The following TNIK variants were observed in gnomAD, a reference collection of about 807,000 sequenced individuals.
The protein encoded by TNIK is TRAF2 and NCK interacting kinase, also known as TRAF2 and NCK-interacting protein kinase.
In TNIK, 49 loss-of-function variants were observed where a neutral mutation model predicts 191.3. That is an observed-to-expected ratio of 0.26 (90% CI 0.20 to 0.32). The LOEUF is 0.32. Among genes scored for constraint, TNIK ranks in the 10% least tolerant of loss-of-function variants. The pLI is 1.00. For synonymous variants in TNIK, 594 were observed against 600.9 expected (o/e 0.99, Z 0.17); for missense variants, 1,155 against 1,702.3 (o/e 0.68, Z 5.66).
intron 2 of TNIK, among the ~76,000 whole-genome samples, chr3:171,305,359 C>T (rs1033181280): frequency 1.1e-4 from 17 of 151,930 alleles, no homozygotes; most frequent in Non-Finnish European, 2.4e-4. Context: ...CAAAACTTGA[C>T]AAATGGGACC....
intron 2 of TNIK, among the ~76,000 whole-genome samples, chr3:171,265,232 G>T (rs1001161304): frequency 6.6e-6 from 1 of 152,168 alleles, no homozygotes; most frequent in Non-Finnish European, 1.5e-5. Flanking sequence ...AAGAAAATTG[G>T]CACAGCTGCT....
At chr3:171,436,592 G>A (rs552384612) in intron 1 of TNIK, among the ~76,000 whole-genome samples, 2 of 152,250 alleles carry the variant, frequency 1.3e-5, no homozygotes, top group East Asian at 1.9e-4. Flanking sequence ...TGATGTAATC[G>A]TAAGTCATTT....
intron 2 of TNIK, among the ~76,000 whole-genome samples, chr3:171,350,458 G>C (rs1342724602): frequency 6.6e-6 from 1 of 152,086 alleles, no homozygotes; most frequent in Non-Finnish European, 1.5e-5. Flanking sequence ...GACTACATCT[G>C]ATAATGCCAC....
intron 1 of TNIK, among the ~76,000 whole-genome samples, chr3:171,433,924 T>C (rs541046416): frequency 6.7e-6 from 1 of 149,636 alleles, no homozygotes; most frequent in Non-Finnish European, 1.5e-5. Context: ...ATATCTGTTT[T>C]CTTTTCTTTT....
At chr3:171,317,541 T>C (rs886208457) in intron 2 of TNIK, among the ~76,000 whole-genome samples, 2 of 152,156 alleles carry the variant, frequency 1.3e-5, no homozygotes, top group Non-Finnish European at 2.9e-5. Flanking sequence ...ATTCATTATA[T>C]AGAACTGTTA....
intron 2 of TNIK, among the ~76,000 whole-genome samples, chr3:171,273,603 G>A (rs1214315459): frequency 6.6e-6 from 1 of 152,122 alleles, no homozygotes; most frequent in Admixed American, 6.5e-5. Context: ...TGTTTCTGTG[G>A]AGAGATGATC....
chr3:171,252,354 G>A (rs1052625883), intron 2 of TNIK, among the ~76,000 whole-genome samples: 9 of 152,114 alleles, frequency 5.9e-5, no homozygotes, highest in African/African-American at 1.9e-4. Context: ...ATGGGCAGCC[G>A]ATGAAAATTA....
At chr3:171,268,756 G>T (rs991741225) in intron 2 of TNIK, among the ~76,000 whole-genome samples, 5 of 152,132 alleles carry the variant, frequency 3.3e-5, no homozygotes, top group Non-Finnish European at 7.3e-5. Flanking sequence ...GCAAGGGAAG[G>T]CATTGGACAG....
At position 171,084,173 on chromosome 3, in the gene TNIK, G is replaced by A; in HGVS notation, c.3151C>T (p.Leu1051Phe). 6.2e-7 allele frequency: 1 copy of A among 1,607,028 alleles called. No homozygotes were observed. Among genetic ancestry groups the A allele is most frequent in the Non-Finnish European group, 8.5e-7 (1 of 1,177,058 alleles). ...AACATACCCCACAGAGCTGCACAAA[G>A]TATTTCTGAGTTGAATCGTTTCTTG... The part of the protein sequence containing the change: ...KYKKRFNSEI[L>F]CAALWGVNLL... Residue 1051 changes from leucine to phenylalanine, a missense_variant, in exon 26 of 33, where the codon CTT (leucine) becomes TTT (phenylalanine). By Grantham distance (22) the Leu-to-Phe change is conservative. Around this residue, in one of 3 missense-constraint regions of TNIK, gnomAD observed 195 missense variants for 415.4 expected, o/e 0.47. Transcript: ENST00000436636.
intron 2 of TNIK, among the ~76,000 whole-genome samples, chr3:171,305,394 T>G (rs1049595839): frequency 1.3e-5 from 2 of 152,076 alleles, no homozygotes; most frequent in African/African-American, 4.8e-5. Context: ...AGCTTCTGCA[T>G]AGCAAAAGAA....
chr3:171,458,611 A>C (rs1729045712), intron 1 of TNIK, among the ~76,000 whole-genome samples: 1 of 152,208 alleles, frequency 6.6e-6, no homozygotes, highest in Non-Finnish European at 1.5e-5. Context: ...TTTGATCACA[A>C]AGGTAGCACT....
rs1238441365 is a variant in TNIK at position 171,112,112 on chromosome 3, A to G, written c.2121-1235T>C. On this transcript the variant is annotated intron_variant, in intron 18 of 32. Coordinates refer to ENST00000436636, the MANE Select transcript of TNIK (RefSeq NM_015028.4). ...TGTGAGGTGATGGATATATTGATTA[A>G]CTTGATTTTAGTAATCATTTCACAG... Among the ~76,000 whole-genome samples the G allele has an allele frequency of 2.6e-5, 4 of 152,238 alleles. No individual in the cohort carries two copies. The East Asian group carries it at 7.7e-4, about 29-fold the overall frequency.
intron 12 of TNIK, among the ~76,000 whole-genome samples, chr3:171,148,426 C>T (rs897879677): frequency 1.3e-5 from 2 of 152,174 alleles, no homozygotes; most frequent in African/African-American, 4.8e-5. Context: ...CACGGGATTT[C>T]CCAGGTGTCA....
At chr3:171,387,576 C>G (rs1289436234) in intron 1 of TNIK, among the ~76,000 whole-genome samples, 1 of 152,098 alleles carries the variant, frequency 6.6e-6, no homozygotes, top group Non-Finnish European at 1.5e-5. Flanking sequence ...AGATAAGAAA[C>G]TTAAGGAGTA....
chr3:171,282,541 G>T (rs901380909), intron 2 of TNIK, among the ~76,000 whole-genome samples: 3 of 151,786 alleles, frequency 2.0e-5, no homozygotes, highest in Admixed American at 1.3e-4. Context: ...ACGGGGTTTC[G>T]CCATGTTGGC....
chr3:171,192,868 T>C (rs1207629030), intron 5 of TNIK, among the ~76,000 whole-genome samples: 3 of 152,260 alleles, frequency 2.0e-5, no homozygotes, highest in Non-Finnish European at 4.4e-5. Flanking sequence ...TTTTGTGTTA[T>C]GTTCTGTTTA....
At chr3:171,444,981 C>T (rs1727301999) in intron 1 of TNIK, among the ~76,000 whole-genome samples, 2 of 152,176 alleles carry the variant, frequency 1.3e-5, no homozygotes, top group Middle Eastern at 3.4e-3. Flanking sequence ...TCCCAAAGTG[C>T]TGGGATTACA....
chr3:171,335,198 T>C (rs1756838380), intron 2 of TNIK, among the ~76,000 whole-genome samples: 2 of 152,074 alleles, frequency 1.3e-5, no homozygotes, highest in South Asian at 4.1e-4. Context: ...CCTGGTAGAC[T>C]GTTTGCGTGC....
intron 2 of TNIK, among the ~76,000 whole-genome samples, chr3:171,306,125 T>C (rs764898154): frequency 2.0e-5 from 3 of 151,942 alleles, no homozygotes; most frequent in Non-Finnish European, 4.4e-5. Flanking sequence ...GGAAACAAAA[T>C]ACCACATGTT....
Sources: allele counts gnomAD v4.1 joint callset (sites outside exome capture counted in the v4.1 genomes callset), GRCh38; gene constraint gnomAD v4.1.1; regional missense constraint gnomAD v4.1.1; transcripts MANE v1.5; gene names NCBI Gene and HGNC (gene_info 2026-07-23, HGNC 2026-07-21).